Variants in ZBTB7C observed in about 807,000 individuals in gnomAD.
ZBTB7C encodes zinc finger and BTB domain-containing protein 7C.
Under a neutral mutation model 25.7 loss-of-function variants are expected in ZBTB7C, and 8 were observed. That is an observed-to-expected ratio of 0.31 (90% CI 0.18 to 0.56). The LOEUF (loss-of-function observed/expected upper bound fraction) is 0.56. ZBTB7C is among the 20% of genes least tolerant of loss of function. The pLI, the probability that ZBTB7C is intolerant of heterozygous loss-of-function variation, is 0.91. For synonymous variants in ZBTB7C, 394 were observed against 369.0 expected (o/e 1.07, Z -0.78); for missense variants, 824 against 855.2 (o/e 0.96, Z 0.46).
chr18:48,262,567 G>C (rs1310592996), intron 2 of ZBTB7C, among the ~76,000 whole-genome samples: 1 of 152,156 alleles, frequency 6.6e-6, no homozygotes, highest in African/African-American at 2.4e-5. Context: ...CCAGTGTAGA[G>C]TGGTCTCATC....
intron 2 of ZBTB7C, among the ~76,000 whole-genome samples, chr18:48,277,090 G>A (rs1238124819): frequency 1.3e-5 from 2 of 149,406 alleles, no homozygotes; most frequent in African/African-American, 2.5e-5. Flanking sequence ...GCATGGGCAA[G>A]GACTTCATGT....
intron 2 of ZBTB7C, among the ~76,000 whole-genome samples, chr18:48,210,190 G>A (rs2042671012): frequency 6.6e-6 from 1 of 152,144 alleles, no homozygotes; most frequent in Non-Finnish European, 1.5e-5. Context: ...AGGATGTGGA[G>A]AAATTGTAGC....
chr18:48,297,372 C>T (rs890228635), intron 2 of ZBTB7C, among the ~76,000 whole-genome samples: 3 of 152,136 alleles, frequency 2.0e-5, no homozygotes, highest in Admixed American at 6.5e-5. Flanking sequence ...CTTATAGACA[C>T]GGTAGAAGTC....
At chr18:48,360,811 A>G (rs1416324456) in intron 1 of ZBTB7C, among the ~76,000 whole-genome samples, 2 of 152,152 alleles carry the variant, frequency 1.3e-5, no homozygotes, top group Non-Finnish European at 2.9e-5. Context: ...CCCCAGGTAG[A>G]TAAGATGCAG....
intron 2 of ZBTB7C, among the ~76,000 whole-genome samples, chr18:48,304,663 A>G (rs968236075): frequency 1.3e-5 from 2 of 151,942 alleles, no homozygotes; most frequent in Non-Finnish European, 2.9e-5. Flanking sequence ...CAACACAGTG[A>G]GACTCCGTCT....
chr18:48,409,998 G>T (rs1484596246), upstream of ZBTB7C, among the ~76,000 whole-genome samples: 1 of 116,742 alleles, frequency 8.6e-6, no homozygotes, highest in Non-Finnish European at 1.6e-5. Flanking sequence ...GGCAGAGATG[G>T]GCTCTGCCGA....
rs970222744 is a variant in ZBTB7C at position 48,368,110 on chromosome 18, A to C, written c.-303-29712T>G. On this transcript the variant is annotated intron_variant, in intron 1 of 4. Transcript: ENST00000590800. The stretch of plus-strand genomic sequence containing the variant: ...CCAAACTGAATGAGCAGAGGCAACC[A>C]ATAGATGCCAACTCCAAGATGACAG... 2.0e-5 allele frequency among the ~76,000 whole-genome samples: 3 copies of C among 152,202 alleles called. No homozygotes were observed. In the East Asian group the frequency reaches 5.8e-4, roughly 29 times the overall value.
intron 3 of ZBTB7C, among the ~76,000 whole-genome samples, chr18:48,060,106 T>G (rs2037071468): frequency 6.6e-6 from 1 of 152,092 alleles, no homozygotes; most frequent in South Asian, 2.1e-4. Context: ...ACAATTATAA[T>G]GTAGCCCATC....
chr18:48,335,222 T>C (rs935683094), intron 2 of ZBTB7C, among the ~76,000 whole-genome samples: 2 of 152,266 alleles, frequency 1.3e-5, no homozygotes, highest in African/African-American at 4.8e-5. Flanking sequence ...GGAAACTTTC[T>C]GCCAAACTTA....
intron 4 of ZBTB7C, among the ~76,000 whole-genome samples, chr18:48,030,395 G>A (rs1216037409): frequency 2.0e-5 from 3 of 152,100 alleles, no homozygotes; most frequent in African/African-American, 7.2e-5. Flanking sequence ...CCCAGCCCCC[G>A]GGCTATTGAG....
chr18:48,168,275 G>C (rs1300756271), intron 3 of ZBTB7C, among the ~76,000 whole-genome samples: 2 of 152,156 alleles, frequency 1.3e-5, no homozygotes, highest in African/African-American at 4.8e-5. Flanking sequence ...CAACCTCCTG[G>C]GATCCCTGCA....
chr18:48,383,045 T>A lies in ZBTB7C; in HGVS notation c.-304+26181A>T, dbSNP rs9953005. On this transcript the variant is annotated intron_variant, in intron 1 of 4. Transcript: ENST00000590800. ...ACATGTGAATTTTCATTTACAGGCA[T>A]GACATTGCGCCTGCTTCCCTAACCT... Among the ~76,000 whole-genome samples the A allele has an allele frequency of 4.1e-3, 620 of 152,274 alleles. 2 individuals carry two copies. Among genetic ancestry groups the A allele is most frequent in the African/African-American group, 0.013 (548 of 41,550 alleles).
At chr18:48,089,899 C>T (rs191836289) in intron 3 of ZBTB7C, among the ~76,000 whole-genome samples, 3 of 152,312 alleles carry the variant, frequency 2.0e-5, no homozygotes, top group East Asian at 1.9e-4. Flanking sequence ...GTGAGGCTGC[C>T]GATCACGCAG....
At chr18:48,350,192 G>C (rs139488075) in intron 1 of ZBTB7C, among the ~76,000 whole-genome samples, 11 of 152,318 alleles carry the variant, frequency 7.2e-5, no homozygotes, top group Non-Finnish European at 1.5e-4. Context: ...GGAGGTTGAA[G>C]TCTGACAAGG....
At chr18:48,191,568 T>C (rs1468264937) in intron 2 of ZBTB7C, among the ~76,000 whole-genome samples, 1 of 152,212 alleles carries the variant, frequency 6.6e-6, no homozygotes, top group Non-Finnish European at 1.5e-5. Flanking sequence ...ACTATGCTTA[T>C]TGCTCAGTCC....
intron 3 of ZBTB7C, among the ~76,000 whole-genome samples, chr18:48,184,959 T>G (rs926211695): frequency 6.6e-6 from 1 of 152,128 alleles, no homozygotes; most frequent in Non-Finnish European, 1.5e-5. Context: ...TGTGAAAAAT[T>G]CATGCAGCCA....
chr18:48,113,798 G>A (rs190442588), intron 3 of ZBTB7C, among the ~76,000 whole-genome samples: 16 of 152,334 alleles, frequency 1.1e-4, no homozygotes, highest in Middle Eastern at 3.4e-3. Context: ...CTCTCTGTGC[G>A]AGGCGTACGC....
intron 1 of ZBTB7C, among the ~76,000 whole-genome samples, chr18:48,389,226 C>CG (rs1568418211): frequency 8.2e-3 from 903 of 109,786 alleles, no homozygotes; most frequent in Admixed American, 0.019. Context: ...CTCTCTCTCT[C>CG]TCTCTCTCTC....
In ZBTB7C at chr18:48,029,322, CCAGGCCGGCGGCCCAAGGGTCGGG is replaced by C. The variant is rs2035624151; in HGVS notation, c.1774_1797del (p.Pro592_Leu599del). 6.5e-7 allele frequency: 1 copy of C among 1,538,118 alleles called. No individual in the cohort carries two copies. Among genetic ancestry groups the C allele is most frequent in the South Asian group, 1.2e-5 (1 of 84,436 alleles). On this transcript the variant is annotated inframe_deletion, in exon 5 of 5. Transcript: ENST00000590800. ...AGGCCGGCGAGCCCAGGGAGGCCGGCCAGGCCGGCGGCCCAAGGGTCGGGCAGCGGGAAGTAGGGCCGCGCCGCC... is the reference window on the plus strand; with the variant it reads ...AGGCCGGCGAGCCCAGGGAGGCCGGCCAGCGGGAAGTAGGGCCGCGCCGCC...
Sources: allele counts gnomAD v4.1 joint callset (sites outside exome capture counted in the v4.1 genomes callset), GRCh38; gene constraint gnomAD v4.1.1; transcripts MANE v1.5; gene names NCBI Gene and HGNC (gene_info 2026-07-23, HGNC 2026-07-21).